PRDM16: variants seen among roughly 807,000 people sequenced by gnomAD.
PRDM16 encodes the protein PR/SET domain 16, also known as histone-lysine N-methyltransferase PRDM16.
Under a neutral mutation model 110.6 loss-of-function variants are expected in PRDM16, and 23 were observed. The ratio of observed to expected loss-of-function variants is 0.21; its 90% CI spans 0.15 to 0.29. The LOEUF (loss-of-function observed/expected upper bound fraction) is 0.29. PRDM16 is among the 10% of genes least tolerant of loss of function. The pLI is 1.00. For missense variants in PRDM16, 1,615 were observed against 1,794.3 expected (o/e 0.90, Z 1.81); for synonymous variants, 799 against 781.8 (o/e 1.02, Z -0.37).
intron 12 of PRDM16, among the ~76,000 whole-genome samples, chr1:3,422,656 C>T (rs1052558683): frequency 6.6e-6 from 1 of 152,252 alleles, no homozygotes; most frequent in African/African-American, 2.4e-5. Context: ...TGTAAAATCC[C>T]TCCTTTCTGG....
At chr1:3,082,853 C>T (rs547824837) in intron 1 of PRDM16, among the ~76,000 whole-genome samples, 163 of 152,294 alleles carry the variant, frequency 1.1e-3, no homozygotes, top group African/African-American at 3.8e-3. Flanking sequence ...CTGGGTGCTG[C>T]GTGGGAGCAA....
intron 3 of PRDM16, among the ~76,000 whole-genome samples, chr1:3,352,330 T>C (rs972895633): frequency 5.3e-5 from 8 of 151,766 alleles, no homozygotes; most frequent in African/African-American, 1.9e-4. Flanking sequence ...CACGGCAGAG[T>C]TGTGGTCCTG....
At chr1:3,392,700 T>C (rs1013536814) in intron 4 of PRDM16, among the ~76,000 whole-genome samples, 1 of 152,180 alleles carries the variant, frequency 6.6e-6, no homozygotes, top group Non-Finnish European at 1.5e-5. Context: ...TGTAAATGAT[T>C]TCTGTGTCTT....
At chr1:3,349,784 A>G (rs1642444687) in intron 3 of PRDM16, among the ~76,000 whole-genome samples, 2 of 152,206 alleles carry the variant, frequency 1.3e-5, no homozygotes, top group African/African-American at 4.8e-5. Flanking sequence ...CAGTGTTCAC[A>G]GAGGCCTGAG....
At chr1:3,343,268 A>G (rs1334809876) in intron 3 of PRDM16, among the ~76,000 whole-genome samples, 1 of 148,870 alleles carries the variant, frequency 6.7e-6, no homozygotes. Flanking sequence ...CACTGGGTAT[A>G]AGTGCTTTTG....
chr1:3,099,528 G>A (rs1180281514), intron 1 of PRDM16, among the ~76,000 whole-genome samples: 1 of 152,228 alleles, frequency 6.6e-6, no homozygotes, highest in Non-Finnish European at 1.5e-5. Flanking sequence ...TCCTGCGGGC[G>A]GCTCCTGGGG....
rs947947820 is a variant in PRDM16 at position 3,261,679 on chromosome 1, C to G, written c.438+17542C>G. ...ACTGGGTTCCTGGGGGAGACCTGCC[C>G]AGATACCCCTGGAGCCAGACCCCCA... On this transcript the variant is annotated intron_variant, in intron 3 of 16. Transcript: ENST00000270722. Among the ~76,000 whole-genome samples the G allele has an allele frequency of 4.6e-5, 7 of 152,274 alleles. No homozygotes were observed. The South Asian group carries it at 1.5e-3, about 32-fold the overall frequency.
intron 10 of PRDM16, among the ~76,000 whole-genome samples, chr1:3,415,640 T>C (rs2100671840): frequency 6.6e-6 from 1 of 152,360 alleles, no homozygotes; most frequent in East Asian, 1.9e-4. Context: ...CGGGAATATC[T>C]GATCGGGCGG....
At chr1:3,331,729 C>G (rs1411148785) in intron 3 of PRDM16, among the ~76,000 whole-genome samples, 1 of 152,230 alleles carries the variant, frequency 6.6e-6, no homozygotes, top group Non-Finnish European at 1.5e-5. Flanking sequence ...GCACCCGGAC[C>G]CAGGGCTCCT....
intron 3 of PRDM16, among the ~76,000 whole-genome samples, chr1:3,355,632 G>C (rs1010925310): frequency 6.6e-6 from 1 of 152,082 alleles, no homozygotes; most frequent in African/African-American, 2.4e-5. Context: ...CTGCTGGGGG[G>C]ACCGCTATCC....
chr1:3,411,678 A>C lies in PRDM16; in HGVS notation c.1481A>C (p.His494Pro), dbSNP rs754016475. 2.2e-5 allele frequency: 35 copies of C among 1,611,054 alleles called. No homozygotes were observed. Among genetic ancestry groups the C allele is most frequent in the Non-Finnish European group, 2.9e-5 (34 of 1,178,218 alleles). Reference protein sequence around the residue: ...GFNEYFPSRPHPGSLPFSTAP... With the variant: ...GFNEYFPSRPPPGSLPFSTAP... ...AACGAGTACTTTCCCTCCAGGCCGC[A>C]CCCGGGGAGCCTGCCCTTCTCCACG... The change falls in exon 9 of 17, where the codon CAC becomes CCC. Residue 494 changes from histidine (H) to proline (P), a missense_variant. By Grantham distance (77) the His-to-Pro change is moderately conservative. Coordinates refer to ENST00000270722, the MANE Select transcript of PRDM16 (RefSeq NM_022114.4).
In PRDM16 at chr1:3,074,818, C is replaced by G. The variant is rs573302916; in HGVS notation, c.37+5522C>G. Among the ~76,000 whole-genome samples the G allele has an allele frequency of 1.6e-4, 24 of 152,370 alleles. No homozygotes were observed. In the South Asian group the frequency reaches 4.6e-3, roughly 29 times the overall value. ...CCCACCGCCTCCACCCACCGCCCAG[C>G]AGTCAGGGGGAGGTGGAGCTGCTGC... On this transcript the variant is annotated intron_variant, in intron 1 of 16. Coordinates refer to ENST00000270722, the MANE Select transcript of PRDM16 (RefSeq NM_022114.4).
intron 2 of PRDM16, among the ~76,000 whole-genome samples, chr1:3,200,637 C>T (rs534534738): frequency 3.9e-5 from 6 of 152,334 alleles, no homozygotes; most frequent in African/African-American, 1.4e-4. Flanking sequence ...CCACCGCGCC[C>T]AGCCTAAGGT....
intron 8 of PRDM16, among the ~76,000 whole-genome samples, chr1:3,410,006 ATGTG>A (rs766693792): frequency 1.6e-3 from 148 of 94,676 alleles, no homozygotes; most frequent in Middle Eastern, 0.01. Context: ...GGGGGTGTGC[ATGTG>A]TGTGTGCTGT....
In PRDM16 at chr1:3,245,199, G is replaced by A. The variant is rs899337358; in HGVS notation, c.438+1062G>A. 6.6e-6 allele frequency among the ~76,000 whole-genome samples: 1 copy of A among 152,108 alleles called. No individual in the cohort carries two copies. Among genetic ancestry groups the A allele is most frequent in the Non-Finnish European group, 1.5e-5 (1 of 68,024 alleles). The stretch of plus-strand genomic sequence containing the variant: ...CCGTGACGCAGCATATGGGCTTGAG[G>A]GGTACTGGCAGCCTTGTGGTTAGGA... On this transcript the variant is annotated intron_variant, in intron 3 of 16. Transcript: ENST00000270722. The surrounding 1 kb of genome is among the most constrained non-coding windows in gnomAD (Gnocchi z 4.7).
intron 3 of PRDM16, among the ~76,000 whole-genome samples, chr1:3,324,969 G>A (rs1028227936): frequency 3.9e-5 from 6 of 152,160 alleles, no homozygotes; most frequent in Non-Finnish European, 7.3e-5. Flanking sequence ...GAGGATGCAC[G>A]CGAGGGGCTG....
intron 10 of PRDM16, among the ~76,000 whole-genome samples, chr1:3,416,408 C>T (rs577227301): frequency 1.8e-4 from 27 of 152,262 alleles, no homozygotes; most frequent in African/African-American, 4.1e-4. Context: ...TGTAAATGGG[C>T]GGGTCACCTC....
intron 2 of PRDM16, among the ~76,000 whole-genome samples, chr1:3,191,283 T>A (rs1310387649): frequency 1.3e-5 from 2 of 152,208 alleles, no homozygotes; most frequent in East Asian, 3.9e-4. Flanking sequence ...GTGTGTTCAT[T>A]TGTTCAATCA....
At chr1:3,371,939 A>C (rs1295598925) in intron 3 of PRDM16, among the ~76,000 whole-genome samples, 1 of 152,216 alleles carries the variant, frequency 6.6e-6, no homozygotes, top group East Asian at 1.9e-4. Context: ...GAGTCTCAGC[A>C]CCTGTGGGCC....
Sources: gnomAD v4.1 joint callset for allele counts (sites outside exome capture counted in the v4.1 genomes callset) on GRCh38, gnomAD v4.1.1 for gene constraint, Gnocchi (gnomAD v3.1) non-coding constraint, MANE v1.5 for transcripts, NCBI Gene and HGNC (gene_info 2026-07-23, HGNC 2026-07-21) for gene names.